COL4A3: variants seen among roughly 807,000 people sequenced by gnomAD.
The protein encoded by COL4A3 is collagen alpha-3(IV) chain.
In COL4A3, 135 loss-of-function variants were observed where a neutral mutation model predicts 217.4. The observed-to-expected ratio is 0.62, with a 90% CI of 0.54 to 0.72. The LOEUF (loss-of-function observed/expected upper bound fraction) is 0.72. COL4A3 is among the 30% of genes least tolerant of loss of function. The pLI, the probability that COL4A3 is intolerant of heterozygous loss-of-function variation, is 0.00. For synonymous variants in COL4A3, 690 were observed against 736.3 expected, an observed-to-expected ratio of 0.94 and a Z score of 1.02; for missense variants, 1,868 against 2,119.9, an observed-to-expected ratio of 0.88 and a Z score of 2.33.
In COL4A3 at chr2:227,202,735, TA is replaced by T. The variant is rs370401800; in HGVS notation, c.88-35221del. 9.1e-3 allele frequency among the ~76,000 whole-genome samples: 404 copies of T among 44,494 alleles called. 6 individuals carry two copies. Among genetic ancestry groups the T allele is most frequent in the East Asian group, 0.023 (27 of 1,186 alleles). 29.2% of individuals were successfully genotyped at this position (44,494 alleles called of 152,430 possible). A position where few individuals can be genotyped will look rare whatever the true frequency, so the allele number is the denominator to read the frequency against. On this transcript the variant is annotated intron_variant, in intron 1 of 51. Coordinates refer to ENST00000396578, the MANE Select transcript of COL4A3 (RefSeq NM_000091.5). ...GGGAGAAAGTGCGAGAATCCGTCTC[TA>T]AAAAAAAAAAATATATATATATATA...
At chr2:227,289,953 A>G in intron 35 of COL4A3, 46 bp from the exon 36 acceptor site, 1 of 1,563,550 alleles carries the variant, frequency 6.4e-7, no homozygotes, top group Non-Finnish European at 8.8e-7. Context: ...AACACATACT[A>G]TGTCCAGGAA....
Position 227,253,746 on chromosome 2 carries a change from C to T in COL4A3, c.765+108C>T, listed in dbSNP as rs1574700493. 1.0e-6 allele frequency: 1 copy of T among 979,302 alleles called. No individual in the cohort carries two copies. Among genetic ancestry groups the T allele is most frequent in the Non-Finnish European group, 1.7e-6 (1 of 603,600 alleles). The allele number at this position is 979,302 out of a possible 1,614,324, so 60.7% of individuals were successfully genotyped here. A position where few individuals can be genotyped will look rare whatever the true frequency, so the allele number is the denominator to read the frequency against. On this transcript the variant is annotated intron_variant, in intron 13 of 51. Transcript: ENST00000396578. This position sits in a 1 kb window ranked among gnomAD's most constrained non-coding sequence, Gnocchi z 4.4. ...CTCTTGTTATCTAAGTCCAGCTCAG[C>T]CCAGCTCCCTCAGCCAGCCAGAACC...
At chr2:227,266,393 G>C in intron 21 of COL4A3, 24 bp from the exon 22 acceptor site, 2 of 1,566,676 alleles carry the variant, frequency 1.3e-6, no homozygotes, top group Non-Finnish European at 1.8e-6. Flanking sequence ...ATAAAAAATT[G>C]TCTTTGGTGC....
chr2:227,277,918 C>A (rs1196521823), intron 28 of COL4A3, among the ~76,000 whole-genome samples: 8 of 49,800 alleles, frequency 1.6e-4, no homozygotes, highest in African/African-American at 3.8e-4. Context: ...AAGACTCTGT[C>A]TCAAAAAAAA....
chr2:227,197,804 C>T (rs1216791814), intron 1 of COL4A3, among the ~76,000 whole-genome samples: 1 of 152,138 alleles, frequency 6.6e-6, no homozygotes, highest in African/African-American at 2.4e-5. Flanking sequence ...GGTGAGGGTT[C>T]CCCCACACCT....
At chr2:227,281,123 T>C (rs2071935768) in intron 31 of COL4A3, 117 bp downstream of exon 31, 3 of 739,302 alleles carry the variant, frequency 4.1e-6, no homozygotes, top group South Asian at 3.0e-5. Flanking sequence ...CACTGTTCAA[T>C]GAGAAATACT....
chr2:227,293,641 A>T, intron 38 of COL4A3: 2 of 466,730 alleles, frequency 4.3e-6, no homozygotes, highest in Non-Finnish European at 8.6e-6. Context: ...AGGCTTCCAT[A>T]GTGAATTCCA....
At chr2:227,193,154 C>T (rs776778340) in intron 1 of COL4A3, among the ~76,000 whole-genome samples, 3 of 152,164 alleles carry the variant, frequency 2.0e-5, no homozygotes, top group Non-Finnish European at 4.4e-5. Flanking sequence ...GATACATCTT[C>T]ATTCCCAGTG....
In COL4A3 at chr2:227,282,897, G is replaced by A. The variant is rs1229271773; in HGVS notation, c.2656+365G>A. ...TAATGCTGGTCTGATGGAACAAGCTGGGAAGTGTTTCCTCCTCTTGTATTT... is the reference window on the plus strand; with the variant it reads ...TAATGCTGGTCTGATGGAACAAGCTAGGAAGTGTTTCCTCCTCTTGTATTT... On this transcript the variant is annotated intron_variant, in intron 32 of 51. Coordinates refer to ENST00000396578, the MANE Select transcript of COL4A3 (RefSeq NM_000091.5). The surrounding 1 kb of genome is among the most constrained non-coding windows in gnomAD (Gnocchi z 4.4). 1.3e-5 allele frequency among the ~76,000 whole-genome samples: 2 copies of A among 152,066 alleles called. No individual in the cohort carries two copies. The highest frequency in any genetic ancestry group is 4.8e-5 in the African/African-American group (2 of 41,386).
chr2:227,223,629 G>A (rs1182822778), intron 1 of COL4A3, among the ~76,000 whole-genome samples: 1 of 152,062 alleles, frequency 6.6e-6, no homozygotes, highest in African/African-American at 2.4e-5. Flanking sequence ...AGCTACTTGG[G>A]AAATTGTGAT....
intron 17 of COL4A3, 94 bp downstream of exon 17, chr2:227,256,490 C>T (rs574725078): frequency 7.1e-6 from 7 of 982,262 alleles, no homozygotes; most frequent in South Asian, 3.8e-5. Flanking sequence ...CAAGGGATTA[C>T]AATAACAGAC....
rs781371411 is a variant in COL4A3 at position 227,290,904 on chromosome 2, A to C, written c.3210+18A>C. On this transcript the variant is annotated intron_variant, in intron 37 of 51. Coordinates refer to ENST00000396578, the MANE Select transcript of COL4A3 (RefSeq NM_000091.5). ...GACCAACGGTATATAGGCCACTGAA[A>C]TATTTACATTTTAGTGGTGGAGTGA... 11 of 1,606,234 alleles carry C rather than the reference A, an allele frequency of 6.8e-6. No individual in the cohort carries two copies. The South Asian group carries it at 8.9e-5, about 13-fold the overall frequency.
chr2:227,201,011 A>C (rs1436664652), intron 1 of COL4A3, among the ~76,000 whole-genome samples: 2 of 152,224 alleles, frequency 1.3e-5, no homozygotes, highest in Admixed American at 1.3e-4. Flanking sequence ...TTTAGATTAG[A>C]AATTATATTA....
At chr2:227,170,445 G>A (rs1434411881) in intron 1 of COL4A3, among the ~76,000 whole-genome samples, 1 of 152,040 alleles carries the variant, frequency 6.6e-6, no homozygotes, top group African/African-American at 2.4e-5. Context: ...TCACAATCAT[G>A]GCAAAAGAGC....
At chr2:227,169,439 A>G (rs536727771) in intron 1 of COL4A3, among the ~76,000 whole-genome samples, 3 of 150,742 alleles carry the variant, frequency 2.0e-5, no homozygotes, top group East Asian at 3.9e-4. Flanking sequence ...TGGTATTTCT[A>G]GTTCTAGATC....
intron 1 of COL4A3, among the ~76,000 whole-genome samples, chr2:227,186,095 G>T (rs1452141155): frequency 1.3e-5 from 2 of 152,202 alleles, no homozygotes; most frequent in African/African-American, 4.8e-5. Flanking sequence ...CTGGTTGTGT[G>T]TTAGTCACGC....
At position 227,269,898 on chromosome 2, in the gene COL4A3, G is replaced by A. The variant is rs114658110; in HGVS notation, c.1505-12G>A. 7.3e-5 allele frequency: 117 copies of A among 1,612,954 alleles called. 1 individual carries two copies. In the African/African-American group the frequency reaches 1.1e-3, roughly 15 times the overall value. On this transcript the variant is annotated splice_polypyrimidine_tract_variant and intron_variant, in intron 23 of 51. Transcript: ENST00000396578. ...TCAATGAGGAGTTAGTTAATAATTC[G>A]TTGATTTGCAGGAAGACAAGGCGCA...
rs770676776 is a variant in COL4A3 at position 227,308,909 on chromosome 2, C to G, written c.4473C>G (p.Gly1491=). The G allele has an allele frequency of 6.2e-7, 1 of 1,613,918 alleles. No individual in the cohort carries two copies. Among genetic ancestry groups the G allele is most frequent in the Non-Finnish European group, 8.5e-7 (1 of 1,180,008 alleles). ...CTGATGTTTCATTAGGAACTCTTGG[C>G]AGCTGCCTGCAGCGATTTACCACAA... The part of the protein sequence containing the change: ...RAHGQDLGTL[G]SCLQRFTTMP... The change falls in exon 49 of 52, where the codon GGC becomes GGG. Residue 1491 remains glycine (G), a synonymous_variant. Coordinates refer to ENST00000396578, the MANE Select transcript of COL4A3 (RefSeq NM_000091.5).
At chr2:227,212,071 T>TGAACA (rs1286223281) in intron 1 of COL4A3, among the ~76,000 whole-genome samples, 10 of 152,328 alleles carry the variant, frequency 6.6e-5, no homozygotes, top group African/African-American at 2.4e-4. Flanking sequence ...TTCTGAATAC[T>TGAACA]CATGACATTG....
Sources: gnomAD v4.1 joint callset for allele counts (sites outside exome capture counted in the v4.1 genomes callset) on GRCh38, gnomAD v4.1.1 for gene constraint, Gnocchi (gnomAD v3.1) non-coding constraint, MANE v1.5 for transcripts, NCBI Gene and HGNC (gene_info 2026-07-23, HGNC 2026-07-21) for gene names.